The following CDH7 variants were observed in gnomAD, a reference collection of about 807,000 sequenced individuals.
The protein encoded by CDH7 is cadherin-7.
CDH7 carries 25 observed loss-of-function variants against 71.8 expected under a neutral mutation model. The observed-to-expected ratio is 0.35, with a 90% confidence interval of 0.25 to 0.49. CDH7 has a LOEUF of 0.49. Ranked by LOEUF, CDH7 falls within the 20% of genes least tolerant of loss-of-function variation. CDH7 has a pLI of 0.99. For synonymous variants in CDH7, 381 were observed against 363.8 expected (o/e 1.05, Z -0.54); for missense variants, 862 against 974.6 (o/e 0.88, Z 1.54).
At chr18:65,761,303 T>A (rs1479487957) in intron 1 of CDH7, among the ~76,000 whole-genome samples, 1 of 152,148 alleles carries the variant, frequency 6.6e-6, no homozygotes, top group Non-Finnish European at 1.5e-5. Context: ...ATTTAAAAAT[T>A]TGATAAATTT....
chr18:65,797,267 T>C (rs1426846334), intron 2 of CDH7, among the ~76,000 whole-genome samples: 2 of 152,208 alleles, frequency 1.3e-5, no homozygotes, highest in Non-Finnish European at 2.9e-5. Context: ...ATCAGCCTAA[T>C]TATTGACTTT....
In CDH7 at chr18:65,762,823, A is replaced by G; in HGVS notation, c.-20A>G. On this transcript the variant is annotated 5_prime_UTR_variant, in exon 2 of 12. Coordinates refer to ENST00000397968, the MANE Select transcript of CDH7 (RefSeq NM_004361.5). ...GTCAAGGTTTTTTTCTTACACAGGA[A>G]AAAGAAAGAAAAAAAAAAGATGAAG... 2 of 1,598,764 alleles carry G rather than the reference A, an allele frequency of 1.3e-6. No individual in the cohort carries two copies. Among genetic ancestry groups the G allele is most frequent in the Non-Finnish European group, 1.7e-6 (2 of 1,174,274 alleles).
At position 65,843,814 on chromosome 18, in the gene CDH7, G is replaced by C; in HGVS notation, c.984G>C (p.Glu328Asp). ...TTTCCTAACGACTTTCTTTACAGGA[G>C]CTGGATTTTGAAGCCAAAACAAGTT... ...TQEGIITIQK[E>D]LDFEAKTSYT... Residue 328 changes from glutamate to aspartate, a missense_variant and splice_region_variant, in exon 7 of 12, where the codon GAG becomes GAC. Transcript: ENST00000397968. The C allele has an allele frequency of 6.7e-7, 1 of 1,501,830 alleles. No individual in the cohort carries two copies. Among genetic ancestry groups the C allele is most frequent in the Non-Finnish European group, 8.9e-7 (1 of 1,121,526 alleles). 93.0% of individuals were successfully genotyped at this position (1,501,830 alleles called of 1,614,324 possible).
intron 11 of CDH7, among the ~76,000 whole-genome samples, chr18:65,872,660 A>G (rs963899644): frequency 1.3e-5 from 2 of 152,050 alleles, no homozygotes; most frequent in Non-Finnish European, 2.9e-5. Flanking sequence ...GTTTGGGAGG[A>G]TGAGGCCAGA....
At chr18:65,805,887 G>A (rs1019356812) in intron 2 of CDH7, among the ~76,000 whole-genome samples, 1 of 149,746 alleles carries the variant, frequency 6.7e-6, no homozygotes, top group Non-Finnish European at 1.5e-5. Context: ...GATTATGACA[G>A]GCTAGGCAAT....
chr18:65,850,249 G>T (rs1405470329), intron 7 of CDH7, among the ~76,000 whole-genome samples: 1 of 149,400 alleles, frequency 6.7e-6, no homozygotes, highest in African/African-American at 2.4e-5. Flanking sequence ...AATGTTCTTG[G>T]TGTAAATCAT....
chr18:65,829,805 T>C (rs928561561), intron 6 of CDH7, among the ~76,000 whole-genome samples: 1 of 151,428 alleles, frequency 6.6e-6, no homozygotes, highest in Non-Finnish European at 1.5e-5. Flanking sequence ...TGTGTGTGTG[T>C]GTGTGTGTGT....
At chr18:65,799,493 A>T (rs1013537923) in intron 2 of CDH7, among the ~76,000 whole-genome samples, 1 of 151,926 alleles carries the variant, frequency 6.6e-6, no homozygotes, top group Non-Finnish European at 1.5e-5. Flanking sequence ...CTGGCTAAAG[A>T]GGTGAAACCC....
rs1417605734 is a variant in CDH7 at position 65,822,170 on chromosome 18, A to G, written c.715A>G (p.Asn239Asp). The G allele has an allele frequency of 6.2e-7, 1 of 1,613,402 alleles. No individual in the cohort carries two copies. ...TCAGGCAAAGGATATGGTTGGTCAA[A>G]ATGGAGGACTGTCAGGAACTACATC... ...VIQAKDMVGQ[N>D]GGLSGTTSVT... is the part of the protein sequence containing the mutation. The change falls in exon 5 of 12, where the codon AAT (asparagine) becomes GAT (aspartate). Residue 239 changes from asparagine to aspartate, a missense_variant. By Grantham distance (23) the Asn-to-Asp change is conservative (BLOSUM62 1). Coordinates refer to ENST00000397968, the MANE Select transcript of CDH7 (RefSeq NM_004361.5).
At chr18:65,771,101 T>G (rs1370061548) in intron 2 of CDH7, among the ~76,000 whole-genome samples, 1 of 152,074 alleles carries the variant, frequency 6.6e-6, no homozygotes, top group Non-Finnish European at 1.5e-5. Flanking sequence ...GGGATTCAGG[T>G]CCCAACCATA....
intron 2 of CDH7, among the ~76,000 whole-genome samples, chr18:65,772,714 C>G (rs1443580587): frequency 2.6e-5 from 4 of 152,002 alleles, no homozygotes; most frequent in Admixed American, 6.6e-5. Flanking sequence ...GTGATTTTTA[C>G]AAGTTTAATA....
chr18:65,867,085 G>T (rs1270136421), intron 11 of CDH7, among the ~76,000 whole-genome samples: 1 of 149,798 alleles, frequency 6.7e-6, no homozygotes, highest in Non-Finnish European at 1.5e-5. Flanking sequence ...ACCCAGGCTG[G>T]AGTGCAGTGG....
chr18:65,777,189 A>G (rs1389623128), intron 2 of CDH7, among the ~76,000 whole-genome samples: 1 of 151,756 alleles, frequency 6.6e-6, no homozygotes, highest in African/African-American at 2.4e-5. Context: ...GCTGAAAGTA[A>G]TTATCCACAG....
chr18:65,807,889 TTCC>T (rs1459395205), intron 2 of CDH7, among the ~76,000 whole-genome samples: 2 of 152,164 alleles, frequency 1.3e-5, no homozygotes, highest in Non-Finnish European at 2.9e-5. Context: ...AGTCCCTTCT[TTCC>T]TCAAGTTCCC....
At chr18:65,809,666 T>G in intron 2 of CDH7, 38 bp from the exon 3 acceptor site, 1 of 1,548,636 alleles carries the variant, frequency 6.5e-7, no homozygotes, top group Non-Finnish European at 8.9e-7. Context: ...ACTGACTCTC[T>G]TGTAAGTTAA....
chr18:65,872,946 A>T (rs1377913054), intron 11 of CDH7, among the ~76,000 whole-genome samples: 1 of 151,890 alleles, frequency 6.6e-6, no homozygotes, highest in African/African-American at 2.4e-5. Flanking sequence ...AAAAAAATTT[A>T]AAAAACAGAA....
intron 6 of CDH7, among the ~76,000 whole-genome samples, chr18:65,829,775 AGTGTGTGTGTGTGTGTGT>A (rs3061822): frequency 1.2e-4 from 16 of 138,202 alleles, no homozygotes; most frequent in East Asian, 8.9e-4. Flanking sequence ...CAAGGAAGGG[AGTGTGTGTGTGTGTGTGT>A]GTGTGTGTGT....
chr18:65,868,269 C>T (rs1475680915), intron 11 of CDH7, among the ~76,000 whole-genome samples: 1 of 152,152 alleles, frequency 6.6e-6, no homozygotes, highest in Non-Finnish European at 1.5e-5. Flanking sequence ...ATGTGCTAGA[C>T]ATCAGCCTAA....
intron 11 of CDH7, among the ~76,000 whole-genome samples, chr18:65,868,613 G>A (rs757466078): frequency 5.3e-5 from 8 of 152,040 alleles, no homozygotes; most frequent in East Asian, 3.8e-4. Context: ...TTATTTATTC[G>A]GTTAACTCTG....
Sources: allele counts gnomAD v4.1 joint callset (sites outside exome capture counted in the v4.1 genomes callset), GRCh38; gene constraint gnomAD v4.1.1; transcripts MANE v1.5; gene names NCBI Gene and HGNC (gene_info 2026-07-23, HGNC 2026-07-21).